The following SHROOM2 variants were observed in gnomAD, a reference collection of about 807,000 sequenced individuals.
SHROOM2 encodes the protein protein Shroom2.
SHROOM2 carries 33 observed loss-of-function variants against 75.9 expected under a neutral mutation model. That is an observed-to-expected ratio of 0.43 (90% CI 0.33 to 0.58). SHROOM2 has a LOEUF of 0.58. SHROOM2 is among the 20% of genes least tolerant of loss of function. SHROOM2 has a pLI of 0.04. For synonymous variants in SHROOM2, 655 were observed against 663.6 expected (o/e 0.99, Z 0.20); for missense variants, 1,434 against 1,461.2 (o/e 0.98, Z 0.30).
chrX:9,806,024 A>G (rs6640512), intron 1 of SHROOM2, among the ~76,000 whole-genome samples: 2,384 of 110,980 alleles, frequency 0.021, 80 homozygotes, highest in East Asian at 0.17. Flanking sequence ...GTGAGGACAC[A>G]GTGAGAAGGC....
chrX:9,806,907 C>T (rs1375700538), intron 1 of SHROOM2, among the ~76,000 whole-genome samples: 2 of 111,036 alleles, frequency 1.8e-5, no homozygotes, highest in South Asian at 3.8e-4. Flanking sequence ...TATTTTTAGT[C>T]GAGCTGGGCT....
chrX:9,830,252 G>C (rs185989274), intron 1 of SHROOM2, among the ~76,000 whole-genome samples: 187 of 111,916 alleles, frequency 1.7e-3, no homozygotes, highest in African/African-American at 5.9e-3. Context: ...GCTATTCCCT[G>C]CTCCCCTCTG....
intron 5 of SHROOM2, among the ~76,000 whole-genome samples, chrX:9,921,655 C>T (rs1364406712): frequency 8.9e-6 from 1 of 112,108 alleles, no homozygotes; most frequent in East Asian, 2.8e-4. Context: ...ACCATTCATT[C>T]TATTTGAAAG....
Position 9,786,604 on chromosome X carries a change from C to G in SHROOM2, c.59C>G (p.Ala20Gly). ...CGCCTGGCCGAGGCCGAGACGCGGG[C>G]GGCGGACGGCGGGCGCCTGGTGGAG... ...PERLAEAETR[A>G]ADGGRLVEVQ... Residue 20 changes from alanine to glycine, a missense_variant, in exon 1 of 10, where the codon GCG becomes GGG. Transcript: ENST00000380913. The G allele has an allele frequency of 2.3e-6, 2 of 875,147 alleles. No individual in the cohort carries two copies. Among genetic ancestry groups the G allele is most frequent in the Non-Finnish European group, 2.8e-6 (2 of 716,160 alleles). 72.1% of individuals were successfully genotyped at this position (875,147 alleles called of 1,213,427 possible).
chrX:9,899,560 C>G (rs903377767), intron 5 of SHROOM2, among the ~76,000 whole-genome samples: 5 of 112,042 alleles, frequency 4.5e-5, no homozygotes, highest in African/African-American at 1.6e-4. Context: ...TTCATTTGGC[C>G]TTAAACAGAG....
intron 1 of SHROOM2, among the ~76,000 whole-genome samples, chrX:9,869,536 C>G (rs150833103): frequency 8.9e-6 from 1 of 111,758 alleles, no homozygotes; most frequent in East Asian, 2.8e-4. Context: ...TTTGATGACT[C>G]AGGTACCTGA....
At chrX:9,906,329 G>A (rs2084391093) in intron 5 of SHROOM2, among the ~76,000 whole-genome samples, 1 of 111,547 alleles carries the variant, frequency 9.0e-6, no homozygotes, top group African/African-American at 3.3e-5. Context: ...TTTCTTTCTG[G>A]AGTAATGAAA....
In SHROOM2 at chrX:9,786,536, C is replaced by T. The variant is rs2083614095; in HGVS notation, c.-10C>T. The stretch of plus-strand genomic sequence containing the variant: ...ATGGGCGCGGGCCAGGGACGCTGAG[C>T]GGTCGCGCCATGGAGGGCGCCGAGC... On this transcript the variant is annotated 5_prime_UTR_variant, in exon 1 of 10. Coordinates refer to ENST00000380913, the MANE Select transcript of SHROOM2 (RefSeq NM_001649.4). The T allele has an allele frequency of 1.2e-6, 1 of 846,250 alleles. No individual in the cohort carries two copies. The highest frequency in any genetic ancestry group is 2.2e-5 in the African/African-American group (1 of 46,289). The allele number at this position is 846,250 out of a possible 1,213,427, so 69.7% of individuals were successfully genotyped here. A position where few individuals can be genotyped will look rare whatever the true frequency, so the allele number is the denominator to read the frequency against.
intron 1 of SHROOM2, among the ~76,000 whole-genome samples, chrX:9,825,818 G>A (rs1477344363): frequency 2.7e-5 from 3 of 112,325 alleles, no homozygotes; most frequent in Non-Finnish European, 5.6e-5. Flanking sequence ...TTCTTAGCCA[G>A]TTTCTGGAGC....
chrX:9,826,834 C>G (rs2083889878), intron 1 of SHROOM2, among the ~76,000 whole-genome samples: 1 of 112,628 alleles, frequency 8.9e-6, no homozygotes, highest in African/African-American at 3.2e-5. Context: ...ACATTCTCAT[C>G]TTTCAAAGAA....
In SHROOM2 at chrX:9,916,931, G is replaced by A. The variant is rs145504426; in HGVS notation, c.2892-15244G>A. Among the ~76,000 whole-genome samples the A allele has an allele frequency of 5.4e-3, 600 of 111,735 alleles. 3 individuals carry two copies. The highest frequency in any genetic ancestry group is 0.018 in the African/African-American group (566 of 30,735). ...TAGCGTTGTCGCCCTTGCACCTGGA[G>A]CCTCTGTGTGGCCAGTTCTGCCTTT... On this transcript the variant is annotated intron_variant, in intron 5 of 9. Coordinates refer to ENST00000380913, the MANE Select transcript of SHROOM2 (RefSeq NM_001649.4).
chrX:9,935,411 C>T (rs1383741040), intron 6 of SHROOM2, among the ~76,000 whole-genome samples: 12 of 110,027 alleles, frequency 1.1e-4, no homozygotes, highest in African/African-American at 2.3e-4. Flanking sequence ...AACTCCTGGG[C>T]GCAAGCAGTC....
chrX:9,887,331 G>A (rs2084266557), intron 2 of SHROOM2, among the ~76,000 whole-genome samples: 1 of 111,947 alleles, frequency 8.9e-6, no homozygotes. Context: ...TGGGGAGGAA[G>A]ATACTTCCTG....
At chrX:9,815,761 T>G (rs1398151493) in intron 1 of SHROOM2, among the ~76,000 whole-genome samples, 1 of 110,207 alleles carries the variant, frequency 9.1e-6, no homozygotes, top group African/African-American at 3.3e-5. Context: ...GGGAGAAAGA[T>G]GTAGGCTGGG....
intron 7 of SHROOM2, among the ~76,000 whole-genome samples, chrX:9,938,446 G>A (rs181511887): frequency 2.0e-3 from 225 of 110,907 alleles, no homozygotes; most frequent in Non-Finnish European, 3.5e-3. Flanking sequence ...CCAGCTACTC[G>A]AGAGGCTGAG....
chrX:9,942,330 C>T (rs1013861651), intron 8 of SHROOM2, among the ~76,000 whole-genome samples: 1 of 111,755 alleles, frequency 8.9e-6, no homozygotes, highest in Non-Finnish European at 1.9e-5. Flanking sequence ...GCAGTCACTT[C>T]TGCAGCAGAC....
intron 1 of SHROOM2, among the ~76,000 whole-genome samples, chrX:9,792,086 G>C (rs1601906315): frequency 7.8e-5 from 1 of 12,751 alleles, no homozygotes; most frequent in Admixed American, 1.5e-3. Context: ...GAATAGAATA[G>C]AATAGAATAG....
chrX:9,934,447 A>T (rs138040767), intron 6 of SHROOM2, among the ~76,000 whole-genome samples: 1 of 111,903 alleles, frequency 8.9e-6, no homozygotes, highest in Non-Finnish European at 1.9e-5. Context: ...TTTAAAATGT[A>T]TCTAAAGATC....
rs190557891 is a variant in SHROOM2 at position 9,788,319 on chromosome X, T to C, written c.165+1609T>C. Among the ~76,000 whole-genome samples the C allele has an allele frequency of 1.3e-4, 15 of 111,258 alleles. No homozygotes were observed. The East Asian group carries it at 3.9e-3, about 29-fold the overall frequency. ...CACTTGTAATTAAATAGTTACATAT[T>C]AGAGCCCTGGAATACTGTACAACTC... On this transcript the variant is annotated intron_variant, in intron 1 of 9. Transcript: ENST00000380913.
Sources: allele counts gnomAD v4.1 joint callset (sites outside exome capture counted in the v4.1 genomes callset), GRCh38; gene constraint gnomAD v4.1.1; transcripts MANE v1.5; gene names NCBI Gene and HGNC (gene_info 2026-07-23, HGNC 2026-07-21).